The following WLS variants were observed in gnomAD, a reference collection of about 807,000 sequenced individuals.
The protein encoded by WLS is Wnt ligand secretion mediator.
Under a neutral mutation model 62.8 loss-of-function variants are expected in WLS, and 23 were observed. That is an observed-to-expected ratio of 0.37 (90% CI 0.26 to 0.52). WLS has a LOEUF of 0.52. WLS is among the 20% of genes least tolerant of loss of function. The pLI, the probability that WLS is intolerant of heterozygous loss-of-function variation, is 0.92. For missense variants in WLS, 615 were observed against 697.3 expected (o/e 0.88, Z 1.33); for synonymous variants, 246 against 244.1 (o/e 1.01, Z -0.07).
Position 68,148,189 on chromosome 1 carries a change from G to A in WLS, c.1081C>T (p.Leu361Phe), listed in dbSNP as rs1244691536. The A allele has an allele frequency of 2.5e-6, 4 of 1,614,046 alleles. No homozygotes were observed. The highest frequency in any genetic ancestry group is 2.7e-5 in the African/African-American group (2 of 74,922). ...IFDMCERGVQ[L>F]TNPFYSIWTT... is the part of the protein sequence containing the mutation. ...CAGATACTGTAGAAGGGATTCGTGA[G>A]TTGTACCCCTCTACAAAGAAAATGA... Residue 361 changes from leucine to phenylalanine, a missense_variant, in exon 8 of 12, where the codon CTC becomes TTC. By Grantham distance (22) the Leu-to-Phe change is conservative. Transcript: ENST00000262348.
chr1:68,131,896 G>A (rs1390411233), intron 11 of WLS, among the ~76,000 whole-genome samples: 1 of 152,222 alleles, frequency 6.6e-6, no homozygotes, highest in Non-Finnish European at 1.5e-5. Flanking sequence ...TGAAGACACA[G>A]GGAGAAAGTA....
chr1:68,128,477 C>T (rs142128119), intron 11 of WLS, among the ~76,000 whole-genome samples: 11 of 152,304 alleles, frequency 7.2e-5, no homozygotes, highest in African/African-American at 2.6e-4. Context: ...CCTGACCACC[C>T]CAGTGGACCC....
intron 11 of WLS, among the ~76,000 whole-genome samples, chr1:68,102,975 T>A (rs1340842068): frequency 2.0e-5 from 3 of 152,140 alleles, no homozygotes; most frequent in Non-Finnish European, 4.4e-5. Context: ...CCCCTGGCAG[T>A]GCTCTGAACC....
intron 2 of WLS, among the ~76,000 whole-genome samples, chr1:68,192,282 T>C (rs2100598776): frequency 6.6e-6 from 1 of 152,310 alleles, no homozygotes; most frequent in African/African-American, 2.4e-5. Flanking sequence ...AAAATAATTG[T>C]ACATCAAGAT....
chr1:68,170,166 T>C (rs866694896), intron 2 of WLS, among the ~76,000 whole-genome samples: 15 of 136,998 alleles, frequency 1.1e-4, no homozygotes, highest in East Asian at 1.1e-3. Flanking sequence ...ATTTCTTTTT[T>C]TTTTTTTTTT....
At chr1:68,109,494 A>C (rs1280573095) in intron 11 of WLS, among the ~76,000 whole-genome samples, 4 of 152,252 alleles carry the variant, frequency 2.6e-5, no homozygotes, top group Non-Finnish European at 5.9e-5. Context: ...ATGTATAATA[A>C]TTACAAAATT....
chr1:68,111,247 C>T (rs1162329134), intron 11 of WLS, among the ~76,000 whole-genome samples: 3 of 152,222 alleles, frequency 2.0e-5, no homozygotes, highest in South Asian at 4.1e-4. Flanking sequence ...AGATGAACTA[C>T]ATCACTTGGT....
intron 2 of WLS, among the ~76,000 whole-genome samples, chr1:68,190,148 T>G (rs1280452005): frequency 1.3e-5 from 2 of 152,254 alleles, no homozygotes; most frequent in African/African-American, 4.8e-5. Context: ...AGCGGTTCTG[T>G]AACTTCCCCA....
chr1:68,230,586 C>CGTGTGT (rs1394504243), intron 1 of WLS, among the ~76,000 whole-genome samples: 35 of 136,980 alleles, frequency 2.6e-4, no homozygotes, highest in African/African-American at 8.5e-4. Context: ...TGTGTGTGCG[C>CGTGTGT]GCGTGTGTGT....
At chr1:68,135,027 T>C (rs1371912507) in intron 11 of WLS, among the ~76,000 whole-genome samples, 2 of 152,212 alleles carry the variant, frequency 1.3e-5, no homozygotes, top group African/African-American at 4.8e-5. Flanking sequence ...TGTTTGGAAA[T>C]CCCTTACCTA....
At chr1:68,142,716 C>T (rs1646701953) in intron 10 of WLS, 1 of 152,116 alleles carries the variant, frequency 6.6e-6, no homozygotes, top group African/African-American at 2.4e-5. Flanking sequence ...ATATGTGTAT[C>T]AGTTTATTTT....
intron 2 of WLS, among the ~76,000 whole-genome samples, chr1:68,176,676 C>T (rs567673493): frequency 5.3e-5 from 8 of 152,334 alleles, no homozygotes; most frequent in Non-Finnish European, 1.0e-4. Context: ...AACAAATGGG[C>T]TTACCGTCCT....
At chr1:68,155,288 A>T (rs369096648) in intron 3 of WLS, 28 bp from the exon 4 acceptor site, 25 of 1,594,372 alleles carry the variant, frequency 1.6e-5, no homozygotes, top group Non-Finnish European at 2.1e-5. Context: ...GGTTTGAGGC[A>T]GGGTCACTAT....
At chr1:68,109,524 C>A (rs894931147) in intron 11 of WLS, among the ~76,000 whole-genome samples, 55 of 152,112 alleles carry the variant, frequency 3.6e-4, no homozygotes, top group African/African-American at 1.2e-3. Context: ...AATATGAAGT[C>A]ACAGAAATAG....
Position 68,187,069 on chromosome 1 carries a change from G to A in WLS, c.379+6886C>T, listed in dbSNP as rs185584775. On this transcript the variant is annotated intron_variant, in intron 2 of 11. Transcript: ENST00000262348. ...TACTAAAAATACAAAAAAATTAGCCGGGCGTGGTGGCAGGCGCCTGTAGTC... is the reference window on the plus strand; with the variant it reads ...TACTAAAAATACAAAAAAATTAGCCAGGCGTGGTGGCAGGCGCCTGTAGTC... Among the ~76,000 whole-genome samples, 498 of 151,374 alleles carry A rather than the reference G, an allele frequency of 3.3e-3. 12 individuals carry two copies. The highest frequency in any genetic ancestry group is 0.025 in the Admixed American group (373 of 15,190).
chr1:68,232,055 G>T, intron 1 of WLS, 139 bp downstream of exon 1: 3 of 1,188,698 alleles, frequency 2.5e-6, no homozygotes, highest in Non-Finnish European at 3.5e-6. Flanking sequence ...ATGGAGCTCT[G>T]CTTTCTTAAG....
intron 11 of WLS, chr1:68,098,836 G>A: frequency 6.8e-7 from 1 of 1,480,844 alleles, no homozygotes; most frequent in Middle Eastern, 1.8e-4. Flanking sequence ...CCAAGGCTCA[G>A]GTAACTATAA....
chr1:68,223,702 C>T (rs1009207447), intron 1 of WLS, among the ~76,000 whole-genome samples: 6 of 152,122 alleles, frequency 3.9e-5, no homozygotes, highest in African/African-American at 1.4e-4. Context: ...TGTAGCAATC[C>T]CCATGAGGAA....
rs148645742 is a variant in WLS at position 68,103,448 on chromosome 1, G to T, written c.1511-4695C>A. On this transcript the variant is annotated intron_variant, in intron 11 of 11. Transcript: ENST00000354777. ...AAAGGGATTAAAGAGGGAGCACTGCGGTGCCCTTCTAATGGACCAGGAAAG... is the reference window on the plus strand; with the variant it reads ...AAAGGGATTAAAGAGGGAGCACTGCTGTGCCCTTCTAATGGACCAGGAAAG... Among the ~76,000 whole-genome samples, 359 of 152,278 alleles carry T rather than the reference G, an allele frequency of 2.4e-3. 4 individuals carry two copies. The highest frequency in any genetic ancestry group is 8.3e-3 in the African/African-American group (345 of 41,568).
Sources: gnomAD v4.1 joint callset for allele counts (sites outside exome capture counted in the v4.1 genomes callset) on GRCh38, gnomAD v4.1.1 for gene constraint, MANE v1.5 for transcripts, NCBI Gene and HGNC (gene_info 2026-07-23, HGNC 2026-07-21) for gene names.